The following IL1RAPL2 variants were observed in gnomAD, a reference collection of about 807,000 sequenced individuals.
IL1RAPL2 encodes X-linked interleukin-1 receptor accessory protein-like 2.
Under a neutral mutation model 44.1 loss-of-function variants are expected in IL1RAPL2, and 3 were observed. That is an observed-to-expected ratio of 0.07 (90% confidence interval 0.03 to 0.18). The LOEUF (loss-of-function observed/expected upper bound fraction) is 0.18. Among genes scored for constraint, IL1RAPL2 ranks in the 10% least tolerant of loss-of-function variants. The pLI is 1.00. For missense variants in IL1RAPL2, 391 were observed against 496.4 expected (o/e 0.79, Z 2.02); for synonymous variants, 181 against 178.8 (o/e 1.01, Z -0.10).
intron 2 of IL1RAPL2, among the ~76,000 whole-genome samples, chrX:104,897,470 G>T (rs1211533310): frequency 8.9e-6 from 1 of 111,977 alleles, no homozygotes; most frequent in Non-Finnish European, 1.9e-5. Context: ...CTCATAATCT[G>T]ATAAAGAGTC....
At chrX:105,448,368 CTTT>C (rs200693912) in intron 5 of IL1RAPL2, among the ~76,000 whole-genome samples, 2 of 98,489 alleles carry the variant, frequency 2.0e-5, no homozygotes, top group Non-Finnish European at 4.0e-5. Flanking sequence ...AGGCCAATAA[CTTT>C]TTTTTTTTTT....
At chrX:105,071,360 A>G (rs766798250) in intron 2 of IL1RAPL2, among the ~76,000 whole-genome samples, 1 of 112,110 alleles carries the variant, frequency 8.9e-6, no homozygotes, top group East Asian at 2.8e-4. Context: ...CAAAATTGAA[A>G]TAAAAAAATG....
At chrX:105,289,337 T>C (rs1416909972) in intron 5 of IL1RAPL2, among the ~76,000 whole-genome samples, 2 of 110,749 alleles carry the variant, frequency 1.8e-5, no homozygotes, top group Non-Finnish European at 3.8e-5. Context: ...TTGAAGGGTT[T>C]TGAACAGAGG....
intron 2 of IL1RAPL2, among the ~76,000 whole-genome samples, chrX:104,794,614 A>C (rs1932840553): frequency 8.9e-6 from 1 of 111,941 alleles, no homozygotes; most frequent in African/African-American, 3.2e-5. Context: ...AAATAGGTGA[A>C]CTTAGTTGGA....
intron 2 of IL1RAPL2, among the ~76,000 whole-genome samples, chrX:104,872,532 G>A (rs1392597532): frequency 9.0e-6 from 1 of 111,328 alleles, no homozygotes; most frequent in Admixed American, 9.6e-5. Flanking sequence ...TAAAAACCAA[G>A]GAGCTTGACT....
chrX:104,769,069 C>T (rs142797736), intron 2 of IL1RAPL2, among the ~76,000 whole-genome samples: 3,431 of 111,364 alleles, frequency 0.031, 53 homozygotes, highest in Non-Finnish European at 0.049. Context: ...GTTTATTCAT[C>T]CATAAAATGA....
At chrX:105,061,069 T>C (rs1602928846) in intron 2 of IL1RAPL2, among the ~76,000 whole-genome samples, 1 of 111,438 alleles carries the variant, frequency 9.0e-6, no homozygotes, top group Non-Finnish European at 1.9e-5. Flanking sequence ...TTATTTCTTT[T>C]CTTCTAGTAA....
At chrX:105,346,062 C>T (rs780255167) in intron 5 of IL1RAPL2, among the ~76,000 whole-genome samples, 70 of 111,180 alleles carry the variant, frequency 6.3e-4, no homozygotes, top group Non-Finnish European at 1.0e-3. Context: ...TTAAACTGTC[C>T]TTTACTTATG....
At chrX:105,209,981 A>G (rs1200384886) in intron 3 of IL1RAPL2, among the ~76,000 whole-genome samples, 3 of 109,507 alleles carry the variant, frequency 2.7e-5, no homozygotes, top group Admixed American at 9.7e-5. Flanking sequence ...CCCTACCCCA[A>G]TCGTGTTTTT....
At chrX:105,041,646 A>G (rs1041793754) in intron 2 of IL1RAPL2, among the ~76,000 whole-genome samples, 9 of 109,438 alleles carry the variant, frequency 8.2e-5, no homozygotes, top group African/African-American at 2.7e-4. Flanking sequence ...AAATGGCCAT[A>G]CTGCCCAAGG....
chrX:105,695,245 T>G (rs1278094888), intron 6 of IL1RAPL2, among the ~76,000 whole-genome samples: 1 of 112,046 alleles, frequency 8.9e-6, no homozygotes, highest in East Asian at 2.8e-4. Context: ...GACTGTAACA[T>G]TTTATAAATC....
At chrX:105,265,796 G>C (rs1012830402) in intron 4 of IL1RAPL2, among the ~76,000 whole-genome samples, 1 of 110,710 alleles carries the variant, frequency 9.0e-6, no homozygotes. Flanking sequence ...ACACACACAC[G>C]TACACACACA....
intron 2 of IL1RAPL2, among the ~76,000 whole-genome samples, chrX:105,077,329 C>A (rs772338322): frequency 9.0e-6 from 1 of 111,669 alleles, no homozygotes; most frequent in African/African-American, 3.3e-5. Flanking sequence ...ATATGACATT[C>A]TGGGTTGAAA....
intron 3 of IL1RAPL2, among the ~76,000 whole-genome samples, chrX:105,197,596 TCCC>T (rs2033682316): frequency 9.0e-6 from 1 of 111,423 alleles, no homozygotes; most frequent in South Asian, 3.8e-4. Flanking sequence ...AACTTAGTGA[TCCC>T]TACATGCATT....
chrX:105,154,680 T>A (rs2033255143), intron 2 of IL1RAPL2, among the ~76,000 whole-genome samples: 2 of 111,675 alleles, frequency 1.8e-5, no homozygotes. Flanking sequence ...TGTTCCTGTG[T>A]CTCCTCCACT....
At chrX:105,085,090 T>C (rs188534938) in intron 2 of IL1RAPL2, among the ~76,000 whole-genome samples, 1 of 112,404 alleles carries the variant, frequency 8.9e-6, no homozygotes, top group Non-Finnish European at 1.9e-5. Context: ...GTGAGTCAAT[T>C]AAACCTCTTT....
At chrX:104,580,217 G>A (rs777723393) in intron 1 of IL1RAPL2, among the ~76,000 whole-genome samples, 3 of 112,345 alleles carry the variant, frequency 2.7e-5, no homozygotes, top group Non-Finnish European at 5.6e-5. Context: ...TCTTCCCCCA[G>A]TACTTTCTGG....
intron 5 of IL1RAPL2, among the ~76,000 whole-genome samples, chrX:105,328,658 T>C (rs1434538006): frequency 3.6e-5 from 4 of 111,835 alleles, no homozygotes; most frequent in African/African-American, 1.3e-4. Context: ...TTATGATAGA[T>C]TTACAGTCAT....
intron 6 of IL1RAPL2, among the ~76,000 whole-genome samples, chrX:105,525,357 T>TAA (rs1191920874): frequency 1.9e-5 from 2 of 107,926 alleles, no homozygotes; most frequent in South Asian, 7.7e-4. Flanking sequence ...TCTGAATTGG[T>TAA]AAAAAAAAAA....
Sources: allele counts gnomAD v4.1 joint callset (sites outside exome capture counted in the v4.1 genomes callset), GRCh38; gene constraint gnomAD v4.1.1; transcripts MANE v1.5; gene names NCBI Gene and HGNC (gene_info 2026-07-23, HGNC 2026-07-21).